Variants in ARMC2 observed in about 807,000 individuals in gnomAD.
The protein encoded by ARMC2 is armadillo repeat containing 2, also known as armadillo repeat-containing protein 2.
ARMC2 carries 67 observed loss-of-function variants against 90.3 expected under a neutral mutation model. That is an observed-to-expected ratio of 0.74 (90% CI 0.61 to 0.91). ARMC2 has a LOEUF of 0.91. ARMC2 is among the 40% of genes least tolerant of loss of function. The pLI is 0.00. For synonymous variants in ARMC2, 393 were observed against 393.0 expected (o/e 1.00, Z 0.00); for missense variants, 920 against 1,030.9 (o/e 0.89, Z 1.47).
At position 108,973,882 on chromosome 6, in the gene ARMC2, G is replaced by C. The variant is rs1330179006; in HGVS notation, c.*368G>C. On this transcript the variant is annotated 3_prime_UTR_variant, in exon 18 of 18. Coordinates refer to ENST00000392644, the MANE Select transcript of ARMC2 (RefSeq NM_032131.6). ...ATGAACTGTGCAATGAAGGCTGTTA[G>C]ATTATATAGAAAGAAGGGTAGGCAA... is the stretch of plus-strand genomic sequence containing the variant. 1 of 163,744 alleles carries C rather than the reference G, an allele frequency of 6.1e-6. No homozygotes were observed. The highest frequency in any genetic ancestry group is 2.4e-5 in the African/African-American group (1 of 41,704). The allele number at this position is 163,744 out of a possible 1,614,324, so 10.1% of individuals were successfully genotyped here. A position where few individuals can be genotyped will look rare whatever the true frequency, so the allele number is the denominator to read the frequency against.
At chr6:108,877,161 C>T (rs1034388223) in intron 5 of ARMC2, among the ~76,000 whole-genome samples, 3 of 152,164 alleles carry the variant, frequency 2.0e-5, no homozygotes, top group Admixed American at 6.5e-5. Flanking sequence ...TAGGACTTTC[C>T]ATTGGGTCAT....
chr6:108,951,166 T>C (rs1235725332), intron 12 of ARMC2, among the ~76,000 whole-genome samples: 1 of 152,248 alleles, frequency 6.6e-6, no homozygotes, highest in African/African-American at 2.4e-5. Context: ...CCTGCCTGGC[T>C]GTGACCTGGG....
rs747420650 is a variant in ARMC2, at chr6:108,854,245, AAT to A, written c.-20_-19del. 6.4e-7 allele frequency: 1 copy of A among 1,555,434 alleles called. No individual in the cohort carries two copies. Among genetic ancestry groups the A allele is most frequent in the Admixed American group, 1.9e-5 (1 of 53,008 alleles). ...TGCAGGGTGTGGTGTCTATCTGAAG[AAT>A]ATTTTACTTTCAAAGGAAAGATGCT... On this transcript the variant is annotated 5_prime_UTR_variant, in exon 2 of 18. Coordinates refer to ENST00000392644, the MANE Select transcript of ARMC2 (RefSeq NM_032131.6).
At chr6:108,877,494 C>T (rs1320083704) in intron 5 of ARMC2, among the ~76,000 whole-genome samples, 6 of 152,090 alleles carry the variant, frequency 3.9e-5, no homozygotes, top group Non-Finnish European at 7.4e-5. Flanking sequence ...TGGAAGAGAA[C>T]GACTTCAAAT....
At chr6:108,988,597 C>T in the ARMC2 span, 1 of 1,613,136 alleles carries the variant, frequency 6.2e-7, no homozygotes, top group African/African-American at 1.3e-5. Flanking sequence ...TTTTGGTAAC[C>T]TTTTCAGGAG....
chr6:108,993,575 CTA>C, the ARMC2 span, among the ~76,000 whole-genome samples: 1 of 152,132 alleles, frequency 6.6e-6, no homozygotes, highest in Admixed American at 6.5e-5. Context: ...TTCTCCCACT[CTA>C]TTATATTGTC....
the ARMC2 span, among the ~76,000 whole-genome samples, chr6:109,043,379 TAAA>T: frequency 2.0e-5 from 3 of 151,882 alleles, no homozygotes; most frequent in African/African-American, 7.3e-5. Flanking sequence ...GCCATACAGA[TAAA>T]AAACAACAAC....
intron 11 of ARMC2, among the ~76,000 whole-genome samples, chr6:108,932,516 C>CTTTTTTTTTTTTTTT (rs60000198): frequency 3.9e-5 from 3 of 77,908 alleles, no homozygotes; most frequent in South Asian, 6.3e-4. Context: ...TTCTCCATTG[C>CTTTTTTTTTTTTTTT]TTTTTTTTTT....
chr6:109,044,797 G>A, the ARMC2 span, among the ~76,000 whole-genome samples: 2 of 152,152 alleles, frequency 1.3e-5, no homozygotes, highest in Admixed American at 1.3e-4. Flanking sequence ...GTCGAGGAGG[G>A]CAGATCACCT....
chr6:108,875,885 G>A (rs539486745), intron 4 of ARMC2, among the ~76,000 whole-genome samples: 8 of 152,136 alleles, frequency 5.3e-5, no homozygotes, highest in Non-Finnish European at 7.3e-5. Flanking sequence ...CTGAAGTTGC[G>A]TGTTTGCCTT....
Position 108,910,916 on chromosome 6 carries a change from G to A in ARMC2, c.1041G>A (p.Lys347=). The change falls in exon 9 of 18, where the codon AAG becomes AAA. Residue 347 remains lysine (K), a synonymous_variant. Transcript: ENST00000392644. ...KIILALKVSR[K]NLLNVCKLIF... ...CTCTGCAGCTTAAAGTGAGTAGAAA[G>A]AATCTTCTTAATGTCTGCAAACTTA... is the stretch of plus-strand genomic sequence containing the variant. The A allele has an allele frequency of 6.4e-7, 1 of 1,556,112 alleles. No homozygotes were observed. Among genetic ancestry groups the A allele is most frequent in the South Asian group, 1.2e-5 (1 of 81,050 alleles).
intron 5 of ARMC2, among the ~76,000 whole-genome samples, chr6:108,887,767 G>A (rs146347628): frequency 0.011 from 1,741 of 152,250 alleles, 6 homozygotes; most frequent in South Asian, 0.031. Flanking sequence ...ATTATTTTTG[G>A]TACATGAAAA....
chr6:108,909,739 T>C (rs2128470207), intron 8 of ARMC2, among the ~76,000 whole-genome samples: 1 of 152,238 alleles, frequency 6.6e-6, no homozygotes, highest in Non-Finnish European at 1.5e-5. Context: ...TTTCACCACG[T>C]TGGTCAGGCT....
chr6:108,919,657 T>G (rs1418597292), intron 10 of ARMC2, among the ~76,000 whole-genome samples: 1 of 152,222 alleles, frequency 6.6e-6, no homozygotes, highest in African/African-American at 2.4e-5. Context: ...AATAAAATGC[T>G]TAGATCTTAT....
chr6:108,957,566 A>C (rs901422222), intron 13 of ARMC2, among the ~76,000 whole-genome samples: 4 of 152,092 alleles, frequency 2.6e-5, no homozygotes, highest in Non-Finnish European at 5.9e-5. Context: ...TCCCAGCCTG[A>C]TGGCTCCTGT....
intron 13 of ARMC2, among the ~76,000 whole-genome samples, chr6:108,958,263 TG>T (rs1460910164): frequency 1.3e-5 from 2 of 152,142 alleles, no homozygotes; most frequent in Non-Finnish European, 2.9e-5. Flanking sequence ...AAATTCCTGT[TG>T]GTTCAAGCCA....
chr6:108,997,015 T>C, the ARMC2 span, among the ~76,000 whole-genome samples: 1 of 149,638 alleles, frequency 6.7e-6, no homozygotes, highest in Non-Finnish European at 1.5e-5. Context: ...AAGAAATGAA[T>C]AAGTAGTTTC....
the ARMC2 span, among the ~76,000 whole-genome samples, chr6:109,027,078 G>A: frequency 2.0e-5 from 3 of 152,144 alleles, no homozygotes; most frequent in South Asian, 2.1e-4. Context: ...GCTGAGGCAC[G>A]AGAATCGCTT....
chr6:108,990,497 C>A, the ARMC2 span: 2 of 716,720 alleles, frequency 2.8e-6, no homozygotes, highest in Non-Finnish European at 4.6e-6. Context: ...TAAAGTGGTT[C>A]TTTGAAGCAT....
Sources: gnomAD v4.1 joint callset for allele counts (sites outside exome capture counted in the v4.1 genomes callset) on GRCh38, gnomAD v4.1.1 for gene constraint, MANE v1.5 for transcripts, NCBI Gene and HGNC (gene_info 2026-07-23, HGNC 2026-07-21) for gene names.